Variants in FANCD2 observed in about 807,000 individuals in gnomAD.
FANCD2 encodes Fanconi anemia group D2 protein.
In FANCD2, 131 loss-of-function variants were observed where a neutral mutation model predicts 192.3. The ratio of observed to expected loss-of-function variants is 0.68; its 90% CI spans 0.59 to 0.79. The LOEUF is 0.79. Ranked by LOEUF, FANCD2 falls within the 30% of genes least tolerant of loss-of-function variation. The pLI is 0.00. For synonymous variants in FANCD2, 524 were observed against 612.5 expected, an observed-to-expected ratio of 0.86 and a Z score of 2.13; for missense variants, 1,508 against 1,701.6, an observed-to-expected ratio of 0.89 and a Z score of 2.00.
rs1429761362 is a variant in FANCD2 at position 10,081,119 on chromosome 3, T to C, written c.2996T>C (p.Ile999Thr). 6.2e-7 allele frequency: 1 copy of C among 1,614,200 alleles called. No homozygotes were observed. The highest frequency in any genetic ancestry group is 8.5e-7 in the Non-Finnish European group (1 of 1,180,034). ...PFLKNKGSRN[I>T]GFSHLQQRSA... is the part of the protein sequence containing the mutation. ...TTATAGAACAAAGGAAGCCGGAATATTGGATTCTCACATCTCCAACAGAGA... is the reference window on the plus strand; with the variant it reads ...TTATAGAACAAAGGAAGCCGGAATACTGGATTCTCACATCTCCAACAGAGA... The change falls in exon 31 of 44, where the codon ATT (isoleucine) becomes ACT (threonine). Residue 999 changes from isoleucine to threonine, a missense_variant. Around this residue, in one of 5 missense-constraint regions of FANCD2, gnomAD observed 796 missense variants for 879.4 expected, o/e 0.91. Transcript: ENST00000675286.
intron 20 of FANCD2, among the ~76,000 whole-genome samples, chr3:10,063,250 C>T (rs1273674409): frequency 6.6e-6 from 1 of 152,072 alleles, no homozygotes; most frequent in Non-Finnish European, 1.5e-5. Context: ...GCCTGGCCAA[C>T]ATGGTGAAAT....
chr3:10,054,401 ATG>A, intron 18 of FANCD2, among the ~76,000 whole-genome samples: 1 of 98,446 alleles, frequency 1.0e-5, no homozygotes, highest in Non-Finnish European at 1.9e-5. Flanking sequence ...ATATACGTAT[ATG>A]TATATACGTA....
intron 14 of FANCD2, among the ~76,000 whole-genome samples, chr3:10,044,810 G>A (rs921584146): frequency 6.6e-6 from 1 of 152,046 alleles, no homozygotes; most frequent in Non-Finnish European, 1.5e-5. Context: ...TTTTGGTTTT[G>A]GATAAACATA....
intron 18 of FANCD2, among the ~76,000 whole-genome samples, chr3:10,058,848 T>C (rs552213192): frequency 6.6e-5 from 10 of 152,292 alleles, no homozygotes; most frequent in African/African-American, 2.4e-4. Context: ...ATGTGAATTT[T>C]GGTATGGATC....
Position 10,068,658 on chromosome 3 carries a change from A to G in FANCD2, c.2494+1341A>G, listed in dbSNP as rs2125040867. Among the ~76,000 whole-genome samples, 4 of 152,236 alleles carry G rather than the reference A, an allele frequency of 2.6e-5. 1 individual carries two copies. In the South Asian group the frequency reaches 8.3e-4, roughly 32 times the overall value. On this transcript the variant is annotated intron_variant, in intron 26 of 43. Coordinates refer to ENST00000675286, the MANE Select transcript of FANCD2 (RefSeq NM_001018115.3). ...GAAAAAAAAAAAGCCTAAAATTTATATAGAACCACCGAAGACCCAGAATAG... is the reference window on the plus strand; with the variant it reads ...GAAAAAAAAAAAGCCTAAAATTTATGTAGAACCACCGAAGACCCAGAATAG...
chr3:10,085,710 C>A, intron 32 of FANCD2, 102 bp from the exon 33 acceptor site: 1 of 828,912 alleles, frequency 1.2e-6, no homozygotes. Context: ...TTTTTCAAAC[C>A]GTTAAACTAT....
intron 1 of FANCD2, among the ~76,000 whole-genome samples, 163 bp from the exon 2 acceptor site, chr3:10,028,462 G>GA (rs2086511514): frequency 6.6e-6 from 1 of 152,200 alleles, no homozygotes; most frequent in Non-Finnish European, 1.5e-5. Context: ...GTATTGGCTA[G>GA]ATGTAAGAGT....
At chr3:10,088,726 C>A in intron 35 of FANCD2, 102 bp from the exon 36 acceptor site, 1 of 1,310,556 alleles carries the variant, frequency 7.6e-7, no homozygotes, top group Non-Finnish European at 1.1e-6. Context: ...ATACTGTTAG[C>A]TAACTGCTTA....
At chr3:10,040,445 A>G (rs2086837779) in intron 9 of FANCD2, 2 of 454,482 alleles carry the variant, frequency 4.4e-6, no homozygotes, top group Non-Finnish European at 8.8e-6. Context: ...CTTAAGTTTC[A>G]TTAACTTGTT....
intron 2 of FANCD2, among the ~76,000 whole-genome samples, chr3:10,030,206 C>T (rs1038330284): frequency 5.3e-5 from 8 of 151,930 alleles, no homozygotes; most frequent in African/African-American, 1.9e-4. Context: ...AAGCGATTCT[C>T]CTGGCTCAGC....
At chr3:10,094,054 A>G (rs1025797316) in intron 39 of FANCD2, among the ~76,000 whole-genome samples, 1 of 152,228 alleles carries the variant, frequency 6.6e-6, no homozygotes, top group African/African-American at 2.4e-5. Flanking sequence ...TTCCCTGTCC[A>G]TCGACTGTAT....
intron 22 of FANCD2, 125 bp downstream of exon 22, chr3:10,064,554 C>T (rs2087661261): frequency 1.6e-6 from 2 of 1,287,138 alleles, no homozygotes; most frequent in Non-Finnish European, 2.3e-6. Context: ...CAGCTTCTTT[C>T]CTCCCAACCC....
At chr3:10,099,107 T>G in intron 43 of FANCD2, 1 of 1,512,340 alleles carries the variant, frequency 6.6e-7, no homozygotes, top group South Asian at 1.3e-5. Flanking sequence ...CTGAAACCAT[T>G]TTAGAAGGGA....
rs540578362 is a variant in FANCD2, at chr3:10,046,469, A to G, written c.1135-111A>G. 1.7e-4 allele frequency: 258 copies of G among 1,547,638 alleles called. 3 individuals carry two copies. In the South Asian group the frequency reaches 2.8e-3, roughly 17 times the overall value. On this transcript the variant is annotated intron_variant, in intron 14 of 43. Transcript: ENST00000675286. ...ACTCCCAGGGGAGTGTGTGGAACAAATGAGCATTATCCATTCTGTGTTTTA... is the reference window on the plus strand; with the variant it reads ...ACTCCCAGGGGAGTGTGTGGAACAAGTGAGCATTATCCATTCTGTGTTTTA...
intron 18 of FANCD2, among the ~76,000 whole-genome samples, chr3:10,054,569 C>A (rs1357886570): frequency 1.5e-5 from 2 of 135,424 alleles, no homozygotes; most frequent in African/African-American, 5.6e-5. Flanking sequence ...CTGCAAACTC[C>A]GCCTCCCAGG....
At position 10,062,139 on chromosome 3, in the gene FANCD2, CT is replaced by C. The variant is rs1326404264; in HGVS notation, c.1767-9del. ...TATAATAATAATTTAAAAAAAAATT[CT>C]TTGTTTTTAGAAGTGAATCACCTAG... On this transcript the variant is annotated splice_polypyrimidine_tract_variant and intron_variant, in intron 19 of 43. Transcript: ENST00000675286. 3 of 1,602,614 alleles carry C rather than the reference CT, an allele frequency of 1.9e-6. No homozygotes were observed. Among genetic ancestry groups the C allele is most frequent in the Non-Finnish European group, 2.6e-6 (3 of 1,172,022 alleles).
intron 18 of FANCD2, among the ~76,000 whole-genome samples, chr3:10,054,446 C>CATAT (rs1319690526): frequency 0.011 from 404 of 36,460 alleles, 12 homozygotes; most frequent in Middle Eastern, 0.025. Context: ...CATGTATATA[C>CATAT]ATATATATAT....
At chr3:10,074,486 T>G in intron 28 of FANCD2, 44 bp from the exon 29 acceptor site, 1 of 1,557,440 alleles carries the variant, frequency 6.4e-7, no homozygotes, top group Non-Finnish European at 8.8e-7. Context: ...TCGATTAATA[T>G]AGAAGATTTA....
Position 10,039,375 on chromosome 3 carries a change from A to G in FANCD2, c.570+18A>G. ...ATGGCAAGGTAGGCTTATGGACTTTATCTCTTGAATTTAAAGAGTATGTTT... is the reference window on the plus strand; with the variant it reads ...ATGGCAAGGTAGGCTTATGGACTTTGTCTCTTGAATTTAAAGAGTATGTTT... On this transcript the variant is annotated intron_variant, in intron 8 of 43. Transcript: ENST00000675286. The G allele has an allele frequency of 1.3e-6, 2 of 1,588,278 alleles. No individual in the cohort carries two copies. The highest frequency in any genetic ancestry group is 1.7e-6 in the Non-Finnish European group (2 of 1,156,860).
Sources: allele counts gnomAD v4.1 joint callset (sites outside exome capture counted in the v4.1 genomes callset), GRCh38; gene constraint gnomAD v4.1.1; regional missense constraint gnomAD v4.1.1; transcripts MANE v1.5; gene names NCBI Gene and HGNC (gene_info 2026-07-23, HGNC 2026-07-21).